ARHGAP31: variants seen among roughly 807,000 people sequenced by gnomAD.
The protein encoded by ARHGAP31 is Rho GTPase activating protein 31.
In ARHGAP31, 34 loss-of-function variants were observed where a neutral mutation model predicts 113.9. The observed-to-expected ratio is 0.30, with a 90% CI of 0.23 to 0.40. ARHGAP31 has a LOEUF of 0.40. ARHGAP31 is among the 10% of genes least tolerant of loss of function. The pLI is 1.00. For synonymous variants in ARHGAP31, 650 were observed against 684.8 expected, an observed-to-expected ratio of 0.95 and a Z score of 0.79; for missense variants, 1,548 against 1,767.1, an observed-to-expected ratio of 0.88 and a Z score of 2.22.
chr3:119,380,408 CATT>C (rs1461534618), intron 3 of ARHGAP31, among the ~76,000 whole-genome samples: 1 of 50,664 alleles, frequency 2.0e-5, no homozygotes, highest in Non-Finnish European at 4.5e-5. Context: ...TTTATGTATT[CATT>C]CATTCATTCA....
intron 3 of ARHGAP31, among the ~76,000 whole-genome samples, chr3:119,369,249 G>A (rs1483571254): frequency 1.3e-5 from 2 of 152,188 alleles, no homozygotes; most frequent in African/African-American, 2.4e-5. Flanking sequence ...GCAGAGGGCT[G>A]GGTTTAACCA....
In ARHGAP31 at chr3:119,415,920, G is replaced by A; in HGVS notation, c.3991G>A (p.Gly1331Arg). 6.2e-7 allele frequency: 1 copy of A among 1,614,182 alleles called. No individual in the cohort carries two copies. Among genetic ancestry groups the A allele is most frequent in the Non-Finnish European group, 8.5e-7 (1 of 1,180,026 alleles). ...LLSSKLERPS[G>R]GSKPFHRSRP... ...TTCTTCAAAACTAGAGCGACCATCT[G>A]GGGGTTCTAAGCCTTTCCACAGGTC... Residue 1331 changes from glycine (G) to arginine (R), a missense_variant, in exon 12 of 12, where the codon GGG becomes AGG. Physicochemically the swap from Gly to Arg is moderately radical, Grantham distance 125. Coordinates refer to ENST00000264245, the MANE Select transcript of ARHGAP31 (RefSeq NM_020754.4).
chr3:119,382,216 T>C, intron 4 of ARHGAP31, 76 bp from the exon 5 acceptor site: 1 of 1,329,838 alleles, frequency 7.5e-7, no homozygotes, highest in South Asian at 1.2e-5. Flanking sequence ...AATCCAAACT[T>C]AGAAATTATC....
intron 8 of ARHGAP31, among the ~76,000 whole-genome samples, chr3:119,397,068 G>C (rs1490335529): frequency 1.3e-5 from 2 of 152,208 alleles, no homozygotes; most frequent in Non-Finnish European, 2.9e-5. Flanking sequence ...GGACACAAAG[G>C]CTGCCAGAAA....
intron 1 of ARHGAP31, among the ~76,000 whole-genome samples, chr3:119,297,274 T>G (rs1476044636): frequency 1.3e-5 from 2 of 152,234 alleles, no homozygotes; most frequent in South Asian, 2.1e-4. Context: ...TGTTGCTTCT[T>G]TGTGGACTCT....
intron 1 of ARHGAP31, among the ~76,000 whole-genome samples, chr3:119,304,163 G>C (rs1258705943): frequency 6.6e-6 from 1 of 152,162 alleles, no homozygotes; most frequent in Non-Finnish European, 1.5e-5. Context: ...TATGTAATGG[G>C]ATTCTAACGT....
intron 1 of ARHGAP31, among the ~76,000 whole-genome samples, chr3:119,321,134 C>A (rs1227117960): frequency 6.6e-6 from 1 of 151,890 alleles, no homozygotes; most frequent in African/African-American, 2.4e-5. Flanking sequence ...TAAACATTGA[C>A]CCATCCTCTT....
chr3:119,361,479 T>A (rs539272345), intron 1 of ARHGAP31, among the ~76,000 whole-genome samples: 1 of 151,922 alleles, frequency 6.6e-6, no homozygotes, highest in African/African-American at 2.4e-5. Context: ...CCTCCCAGGT[T>A]CAAGTGATTC....
intron 1 of ARHGAP31, among the ~76,000 whole-genome samples, chr3:119,312,204 T>C (rs994551081): frequency 6.6e-6 from 1 of 152,234 alleles, no homozygotes; most frequent in African/African-American, 2.4e-5. Context: ...GTTGTAGCTG[T>C]TGAGAAAAAA....
rs541373057 is a variant in ARHGAP31 at position 119,383,332 on chromosome 3, G to A, written c.682+106G>A. ...GGTGGGCTTAGTTCTAGCTCTGAGTGTTGGCTGTGTGTATGCTGACTACTG... is the reference window on the plus strand; with the variant it reads ...GGTGGGCTTAGTTCTAGCTCTGAGTATTGGCTGTGTGTATGCTGACTACTG... On this transcript the variant is annotated intron_variant, in intron 6 of 11. Coordinates refer to ENST00000264245, the MANE Select transcript of ARHGAP31 (RefSeq NM_020754.4). The A allele has an allele frequency of 5.4e-5, 77 of 1,438,500 alleles. No homozygotes were observed. In the African/African-American group the frequency reaches 9.5e-4, roughly 18 times the overall value. 89.1% of individuals were successfully genotyped at this position (1,438,500 alleles called of 1,614,324 possible). A position where few individuals can be genotyped will look rare whatever the true frequency, so the allele number is the denominator to read the frequency against.
chr3:119,320,742 C>T (rs754606749), intron 1 of ARHGAP31, among the ~76,000 whole-genome samples: 1 of 152,212 alleles, frequency 6.6e-6, no homozygotes, highest in Non-Finnish European at 1.5e-5. Context: ...TTTCTCTCCT[C>T]TGGCCTACTG....
intron 1 of ARHGAP31, among the ~76,000 whole-genome samples, chr3:119,316,855 GA>G (rs1447429183): frequency 6.6e-6 from 1 of 152,192 alleles, no homozygotes; most frequent in Non-Finnish European, 1.5e-5. Flanking sequence ...AAAATAAGTT[GA>G]AAACCACTGC....
At chr3:119,307,957 A>AAAAAAAAAAAAAAAAAC (rs1251267299) in intron 1 of ARHGAP31, among the ~76,000 whole-genome samples, 1 of 149,928 alleles carries the variant, frequency 6.7e-6, no homozygotes, top group Non-Finnish European at 1.5e-5. Flanking sequence ...AAAAAAAAAA[A>AAAAAAAAAAAAAAAAAC]AAAGCTCAAT....
chr3:119,378,302 C>T (rs1395003178), intron 3 of ARHGAP31, among the ~76,000 whole-genome samples: 1 of 152,078 alleles, frequency 6.6e-6, no homozygotes, highest in Non-Finnish European at 1.5e-5. Context: ...AGTGGCCGGG[C>T]CCCTCCAGAA....
chr3:119,378,767 C>T (rs916019531), intron 3 of ARHGAP31, among the ~76,000 whole-genome samples: 4 of 152,204 alleles, frequency 2.6e-5, no homozygotes, highest in Non-Finnish European at 4.4e-5. Flanking sequence ...GGGTCCTCTC[C>T]ACAATCATGT....
chr3:119,387,999 T>C (rs542178373), intron 6 of ARHGAP31, among the ~76,000 whole-genome samples: 10 of 152,210 alleles, frequency 6.6e-5, no homozygotes, highest in Non-Finnish European at 4.4e-5. Flanking sequence ...CATGTGAGGA[T>C]CTATGAGCAA....
At chr3:119,355,418 A>G (rs2080146207) in intron 1 of ARHGAP31, among the ~76,000 whole-genome samples, 4 of 152,092 alleles carry the variant, frequency 2.6e-5, no homozygotes, top group Admixed American at 2.6e-4. Flanking sequence ...ATCCATCTGG[A>G]GAAAAATGAC....
At chr3:119,407,170 AC>A (rs1265442994) in intron 10 of ARHGAP31, among the ~76,000 whole-genome samples, 2 of 151,794 alleles carry the variant, frequency 1.3e-5, no homozygotes, top group African/African-American at 4.8e-5. Context: ...ACATGATGAA[AC>A]CCCGTCTCTA....
In ARHGAP31 at chr3:119,403,195, A is replaced by C. The variant is rs151160652; in HGVS notation, c.1645+798A>C. Among the ~76,000 whole-genome samples the C allele has an allele frequency of 1.2e-3, 183 of 152,292 alleles. 3 individuals are homozygous for C. In the East Asian group the frequency reaches 0.032, roughly 26 times the overall value. On this transcript the variant is annotated intron_variant, in intron 10 of 11. Transcript: ENST00000264245. ...ATTTAGGAATGTTTCTTTTCCGTTA[A>C]TATTAGTCATTTTCAGCACCTATTA...
Sources: allele counts gnomAD v4.1 joint callset (sites outside exome capture counted in the v4.1 genomes callset), GRCh38; gene constraint gnomAD v4.1.1; transcripts MANE v1.5; gene names NCBI Gene and HGNC (gene_info 2026-07-23, HGNC 2026-07-21).